Variants in KLHL1 observed in about 807,000 individuals in gnomAD.
The protein encoded by KLHL1 is kelch like family member 1, also known as kelch-like protein 1.
In KLHL1, 47 loss-of-function variants were observed where a neutral mutation model predicts 77.7. The observed-to-expected ratio is 0.60, with a 90% confidence interval of 0.48 to 0.77. The LOEUF is 0.77. Among genes scored for constraint, KLHL1 ranks in the 30% least tolerant of loss-of-function variants. The pLI is 0.00. For missense variants in KLHL1, 925 were observed against 910.8 expected (o/e 1.02, Z -0.20); for synonymous variants, 360 against 325.2 (o/e 1.11, Z -1.15).
intron 1 of KLHL1, among the ~76,000 whole-genome samples, chr13:69,988,748 C>T (rs1297374866): frequency 1.3e-5 from 2 of 152,012 alleles, no homozygotes; most frequent in African/African-American, 4.8e-5. Context: ...ATATTGGCTG[C>T]AAGTATGTCT....
At chr13:70,097,446 C>A (rs1197078586) in intron 1 of KLHL1, among the ~76,000 whole-genome samples, 1 of 151,940 alleles carries the variant, frequency 6.6e-6, no homozygotes, top group Non-Finnish European at 1.5e-5. Flanking sequence ...AACCAGCTGT[C>A]TAACATCACC....
intron 1 of KLHL1, among the ~76,000 whole-genome samples, chr13:70,022,525 G>A (rs1885831379): frequency 2.0e-5 from 3 of 151,682 alleles, no homozygotes; most frequent in Admixed American, 6.6e-5. Flanking sequence ...ATACAATATG[G>A]TGATCAAACA....
intron 1 of KLHL1, among the ~76,000 whole-genome samples, chr13:70,030,263 C>T (rs942825806): frequency 3.3e-5 from 5 of 152,146 alleles, no homozygotes; most frequent in Non-Finnish European, 7.3e-5. Flanking sequence ...ATCTACAGAA[C>T]TCTCCACCCC....
intron 6 of KLHL1, among the ~76,000 whole-genome samples, chr13:69,815,056 C>T (rs1414699489): frequency 2.0e-5 from 3 of 151,882 alleles, no homozygotes; most frequent in Non-Finnish European, 4.4e-5. Flanking sequence ...CAAAAAATAA[C>T]ATATTGACAA....
chr13:69,741,653 TG>T (rs1873991922), intron 7 of KLHL1, among the ~76,000 whole-genome samples: 1 of 152,172 alleles, frequency 6.6e-6, no homozygotes, highest in African/African-American at 2.4e-5. Context: ...CAGACAGTTT[TG>T]TCCTGTGTCT....
At chr13:69,876,816 T>A (rs1880783858) in intron 5 of KLHL1, among the ~76,000 whole-genome samples, 1 of 152,144 alleles carries the variant, frequency 6.6e-6, no homozygotes, top group Non-Finnish European at 1.5e-5. Flanking sequence ...GGCGGGTGGA[T>A]CACCTGAGAT....
intron 5 of KLHL1, among the ~76,000 whole-genome samples, chr13:69,854,066 G>A (rs1487236772): frequency 6.6e-6 from 1 of 151,974 alleles, no homozygotes; most frequent in Non-Finnish European, 1.5e-5. Flanking sequence ...TTTAACTTTG[G>A]AAATGATTTT....
chr13:70,101,267 GT>G (rs1887913731), intron 1 of KLHL1, among the ~76,000 whole-genome samples: 1 of 126,424 alleles, frequency 7.9e-6, no homozygotes, highest in Admixed American at 7.7e-5. Flanking sequence ...ATACAATATT[GT>G]CCTTCAACTA....
chr13:69,730,988 C>G (rs780158875), intron 8 of KLHL1, among the ~76,000 whole-genome samples: 1 of 151,938 alleles, frequency 6.6e-6, no homozygotes, highest in Non-Finnish European at 1.5e-5. Context: ...TAAATTTTAT[C>G]ATTGACTTCC....
intron 6 of KLHL1, among the ~76,000 whole-genome samples, chr13:69,812,305 C>T (rs1371295934): frequency 6.6e-6 from 1 of 151,966 alleles, no homozygotes; most frequent in Non-Finnish European, 1.5e-5. Flanking sequence ...CTTCCTTACA[C>T]CTTATACAAA....
At chr13:69,953,164 T>G (rs1481333449) in intron 3 of KLHL1, among the ~76,000 whole-genome samples, 1 of 151,272 alleles carries the variant, frequency 6.6e-6, no homozygotes, top group Non-Finnish European at 1.5e-5. Flanking sequence ...AAATTAGACT[T>G]AAAATTATGA....
intron 1 of KLHL1, among the ~76,000 whole-genome samples, chr13:70,071,275 C>A (rs1375962202): frequency 6.6e-6 from 1 of 151,918 alleles, no homozygotes; most frequent in Non-Finnish European, 1.5e-5. Flanking sequence ...TAAAGAGCAG[C>A]ACTACATGAT....
intron 9 of KLHL1, among the ~76,000 whole-genome samples, chr13:69,717,033 C>G (rs1015609442): frequency 2.0e-5 from 3 of 152,142 alleles, no homozygotes; most frequent in Non-Finnish European, 4.4e-5. Flanking sequence ...TCCCTGCCTT[C>G]TACCTTCTCT....
intron 6 of KLHL1, among the ~76,000 whole-genome samples, chr13:69,809,227 A>G (rs1877756021): frequency 6.6e-6 from 1 of 152,180 alleles, no homozygotes; most frequent in Admixed American, 6.6e-5. Flanking sequence ...CGAGATACTA[A>G]GACTATAAGT....
intron 1 of KLHL1, among the ~76,000 whole-genome samples, chr13:70,047,944 G>A (rs1178243287): frequency 2.0e-5 from 3 of 152,260 alleles, no homozygotes; most frequent in East Asian, 1.9e-4. Flanking sequence ...CTCTGAGCCT[G>A]AGTCCCTTAG....
intron 1 of KLHL1, among the ~76,000 whole-genome samples, chr13:69,990,006 G>A (rs1361175773): frequency 6.6e-6 from 1 of 151,888 alleles, no homozygotes; most frequent in African/African-American, 2.4e-5. Context: ...AGCCAGAGGA[G>A]ATTTGAGGCC....
intron 9 of KLHL1, among the ~76,000 whole-genome samples, chr13:69,708,030 A>G (rs1176313036): frequency 6.6e-6 from 1 of 152,006 alleles, no homozygotes; most frequent in Non-Finnish European, 1.5e-5. Flanking sequence ...GATTCATTCA[A>G]CAAAAATAAT....
chr13:69,955,581 T>C (rs896746867), intron 3 of KLHL1, among the ~76,000 whole-genome samples: 1 of 151,228 alleles, frequency 6.6e-6, no homozygotes. Flanking sequence ...AACTCTATTT[T>C]CTTACACATC....
intron 4 of KLHL1, among the ~76,000 whole-genome samples, chr13:69,897,673 C>A (rs1881696756): frequency 6.6e-6 from 1 of 152,108 alleles, no homozygotes; most frequent in Admixed American, 6.5e-5. Flanking sequence ...GACATGAACA[C>A]CTGATACCCT....
Sources: gnomAD v4.1 joint callset for allele counts (sites outside exome capture counted in the v4.1 genomes callset) on GRCh38, gnomAD v4.1.1 for gene constraint, MANE v1.5 for transcripts, NCBI Gene and HGNC (gene_info 2026-07-23, HGNC 2026-07-21) for gene names.